The following FBXO32 variants were observed in gnomAD, a reference collection of about 807,000 sequenced individuals.
The protein encoded by FBXO32 is F-box protein 32.
In FBXO32, 15 loss-of-function variants were observed where a neutral mutation model predicts 48.3. The ratio of observed to expected loss-of-function variants is 0.31; its 90% CI spans 0.21 to 0.48. The LOEUF (loss-of-function observed/expected upper bound fraction) is 0.48, where lower values mean the gene tolerates loss of function less well. Ranked by LOEUF, FBXO32 falls within the 20% of genes least tolerant of loss-of-function variation. The pLI, the probability that FBXO32 is intolerant of heterozygous loss-of-function variation, is 0.99. For missense variants in FBXO32, 309 were observed against 432.7 expected (o/e 0.71, Z 2.54); for synonymous variants, 154 against 165.9 (o/e 0.93, Z 0.55).
rs957122829 is a variant in FBXO32, at chr8:123,525,008, G to T, written c.372+6890C>A. On this transcript the variant is annotated intron_variant, in intron 4 of 8. Transcript: ENST00000517956. The surrounding 1 kb of genome is among the most constrained non-coding windows in gnomAD (Gnocchi z 4.3). ...CAAGGTCACTGTGGCAGAGGAACCT[G>T]TGTGAAGGGGCCAGGATGCTGATGC... is the stretch of plus-strand genomic sequence containing the variant. 6.6e-6 allele frequency among the ~76,000 whole-genome samples: 1 copy of T among 152,262 alleles called. No individual in the cohort carries two copies. The highest frequency in any genetic ancestry group is 1.5e-5 in the Non-Finnish European group (1 of 68,050).
At chr8:123,519,550 C>CA (rs778974048) in intron 4 of FBXO32, among the ~76,000 whole-genome samples, 26,525 of 71,652 alleles carry the variant, frequency 0.37, 3,896 homozygotes, top group East Asian at 0.69. Flanking sequence ...GACTCCATCT[C>CA]AAAAAAAAAA....
At chr8:123,520,726 T>C (rs1326051574) in intron 4 of FBXO32, among the ~76,000 whole-genome samples, 1 of 152,286 alleles carries the variant, frequency 6.6e-6, no homozygotes, top group Non-Finnish European at 1.5e-5. Flanking sequence ...ATAGCATTCA[T>C]AGTTTTAAAA....
At chr8:123,505,274 G>A (rs1369606298) in intron 7 of FBXO32, among the ~76,000 whole-genome samples, 3 of 152,142 alleles carry the variant, frequency 2.0e-5, no homozygotes, top group Non-Finnish European at 4.4e-5. Flanking sequence ...GTGTCTGAAG[G>A]CCCAAATTCA....
At position 123,513,938 on chromosome 8, in the gene FBXO32, C is replaced by T; in HGVS notation, c.466+302G>A. 1 of 303,186 alleles carries T rather than the reference C, an allele frequency of 3.3e-6. No individual in the cohort carries two copies. 18.8% of individuals were successfully genotyped at this position (303,186 alleles called of 1,614,324 possible). On this transcript the variant is annotated intron_variant, in intron 5 of 8. Transcript: ENST00000517956. This position sits in a 1 kb window ranked among gnomAD's most constrained non-coding sequence, Gnocchi z 4.3. ...ATGTCGATTTTCTAGGAATTTGGGA[C>T]CCGGAGGCTCGGTAGCCAGTGTTGG...
At chr8:123,520,757 T>A (rs1474247573) in intron 4 of FBXO32, among the ~76,000 whole-genome samples, 1 of 152,146 alleles carries the variant, frequency 6.6e-6, no homozygotes, top group Non-Finnish European at 1.5e-5. Flanking sequence ...TCACGTTACT[T>A]CTTTGCTTAA....
At position 123,513,851 on chromosome 8, in the gene FBXO32, A is replaced by G. The variant is rs373929823; in HGVS notation, c.466+389T>C. ...ACCATGTGTACAATGAGTCAGTTGAACCAGAGACCTAAGGTTCCTTCTAGC... is the reference window on the plus strand; with the variant it reads ...ACCATGTGTACAATGAGTCAGTTGAGCCAGAGACCTAAGGTTCCTTCTAGC... On this transcript the variant is annotated intron_variant, in intron 5 of 8. Coordinates refer to ENST00000517956, the MANE Select transcript of FBXO32 (RefSeq NM_058229.4). This position sits in a 1 kb window ranked among gnomAD's most constrained non-coding sequence, Gnocchi z 4.3. Among the ~76,000 whole-genome samples the G allele has an allele frequency of 2.0e-5, 3 of 152,328 alleles. No homozygotes were observed. The highest frequency in any genetic ancestry group is 7.2e-5 in the African/African-American group (3 of 41,584).
intron 1 of FBXO32, among the ~76,000 whole-genome samples, chr8:123,535,629 G>T (rs945115385): frequency 1.3e-5 from 2 of 152,150 alleles, no homozygotes; most frequent in Non-Finnish European, 2.9e-5. Flanking sequence ...TTGCCTCAGT[G>T]GGCTGAGCAA....
At chr8:123,526,609 C>G (rs1409488132) in intron 4 of FBXO32, among the ~76,000 whole-genome samples, 1 of 152,174 alleles carries the variant, frequency 6.6e-6, no homozygotes, top group Non-Finnish European at 1.5e-5. Flanking sequence ...ACAGACCTTA[C>G]AGCTGCCTAC....
At chr8:123,523,137 A>G (rs1816995963) in intron 4 of FBXO32, among the ~76,000 whole-genome samples, 1 of 152,184 alleles carries the variant, frequency 6.6e-6, no homozygotes, top group African/African-American at 2.4e-5. Context: ...TCTGGGTCCC[A>G]GATACTCAGA....
At chr8:123,520,402 C>T (rs527481874) in intron 4 of FBXO32, among the ~76,000 whole-genome samples, 4 of 152,078 alleles carry the variant, frequency 2.6e-5, no homozygotes, top group East Asian at 1.9e-4. Flanking sequence ...TCTGGGCATC[C>T]GGCATGATCT....
rs11786471 is a variant in FBXO32 at position 123,533,204 on chromosome 8, C to T, written c.266G>A (p.Gly89Glu). 6.2e-7 allele frequency: 1 copy of T among 1,612,942 alleles called. No individual in the cohort carries two copies. Among genetic ancestry groups the T allele is most frequent in the South Asian group, 1.1e-5 (1 of 90,998 alleles). ...TGGGATGCTCACCTCTTTAGTACTT[C>T]CTTTGTGAACATAGATCCATTTTTC... ...HQEKWIYVHK[G>E]STKERHGYCT... The change falls in exon 3 of 9, where the codon GGA becomes GAA. Residue 89 changes from glycine to glutamate, a missense_variant. Coordinates refer to ENST00000517956, the MANE Select transcript of FBXO32 (RefSeq NM_058229.4).
At chr8:123,522,689 C>A (rs1816981342) in intron 4 of FBXO32, among the ~76,000 whole-genome samples, 1 of 152,158 alleles carries the variant, frequency 6.6e-6, no homozygotes, top group Admixed American at 6.5e-5. Context: ...ACAATCATTC[C>A]CCTTCACTTT....
intron 4 of FBXO32, among the ~76,000 whole-genome samples, chr8:123,521,818 C>T (rs1816962107): frequency 6.6e-6 from 1 of 152,154 alleles, no homozygotes; most frequent in South Asian, 2.1e-4. Flanking sequence ...CCATGCCTCA[C>T]ATGCTCAATA....
intron 7 of FBXO32, 76 bp from the exon 8 acceptor site, chr8:123,504,823 A>G: frequency 6.9e-7 from 1 of 1,447,080 alleles, no homozygotes; most frequent in Admixed American, 1.8e-5. Context: ...CGGTTCTGAA[A>G]AGGTTTACTC....
intron 4 of FBXO32, among the ~76,000 whole-genome samples, chr8:123,526,455 G>C (rs906438557): frequency 6.6e-6 from 1 of 152,100 alleles, no homozygotes; most frequent in Non-Finnish European, 1.5e-5. Context: ...TTGAGCTCCT[G>C]ACCTCAAGTG....
At chr8:123,514,073 G>T (rs770195535) in intron 5 of FBXO32, 167 bp downstream of exon 5, 1 of 577,302 alleles carries the variant, frequency 1.7e-6, no homozygotes. Flanking sequence ...AGGATGAGTT[G>T]TACCCCTTTC....
intron 8 of FBXO32, among the ~76,000 whole-genome samples, chr8:123,503,717 C>T (rs982591294): frequency 6.6e-6 from 1 of 152,146 alleles, no homozygotes; most frequent in Non-Finnish European, 1.5e-5. Flanking sequence ...GGTACAAATA[C>T]ACGGTATGAT....
intron 8 of FBXO32, 150 bp from the exon 9 acceptor site, chr8:123,503,612 C>A: frequency 1.6e-6 from 1 of 611,526 alleles, no homozygotes; most frequent in Admixed American, 2.9e-5. Flanking sequence ...TATGTGGGAG[C>A]TGTGAAAGTA....
chr8:123,507,438 GGTGTGTGTGTGTGTGTGTGT>G (rs200031056), intron 6 of FBXO32, among the ~76,000 whole-genome samples: 4 of 139,802 alleles, frequency 2.9e-5, no homozygotes, highest in Admixed American at 1.4e-4. Flanking sequence ...TCTGTGCTAG[GGTGTGTGTGTGTGTGTGTGT>G]GTGTGTGTGT....
Sources: gnomAD v4.1 joint callset for allele counts (sites outside exome capture counted in the v4.1 genomes callset) on GRCh38, gnomAD v4.1.1 for gene constraint, Gnocchi (gnomAD v3.1) non-coding constraint, MANE v1.5 for transcripts, NCBI Gene and HGNC (gene_info 2026-07-23, HGNC 2026-07-21) for gene names.